BCKDHB: variants seen among roughly 807,000 people sequenced by gnomAD.
BCKDHB encodes the protein 2-oxoisovalerate dehydrogenase subunit beta, mitochondrial.
A neutral mutation model predicts 48.5 loss-of-function variants in BCKDHB; 41 were observed. The ratio of observed to expected loss-of-function variants is 0.85; its 90% CI spans 0.66 to 1.10. The LOEUF is 1.10. Among genes scored for constraint, BCKDHB ranks in the 50% least tolerant of loss-of-function variants. BCKDHB has a pLI of 0.00. For synonymous variants in BCKDHB, 201 were observed against 174.8 expected (o/e 1.15, Z -1.18); for missense variants, 496 against 494.2 (o/e 1.00, Z -0.03).
chr6:80,390,691 GTCTT>G, the BCKDHB span, among the ~76,000 whole-genome samples: 2 of 152,202 alleles, frequency 1.3e-5, no homozygotes, highest in South Asian at 2.1e-4. Flanking sequence ...CCTTACTATT[GTCTT>G]TCTTTATTTG....
Position 80,197,567 on chromosome 6 carries a change from G to A in BCKDHB, c.743-3367G>A, listed in dbSNP as rs186771396. ...GGGCCAAGATGCCAACCCATTTCTT[G>A]TGGTCTGCCAGCCCTTAGAATTGTG... On this transcript the variant is annotated intron_variant, in intron 6 of 9. Coordinates refer to ENST00000320393, the MANE Select transcript of BCKDHB (RefSeq NM_183050.4). 1.3e-4 allele frequency among the ~76,000 whole-genome samples: 20 copies of A among 152,240 alleles called. No homozygotes were observed. In the East Asian group the frequency reaches 3.3e-3, roughly 25 times the overall value.
chr6:80,463,633 C>CTTG, the BCKDHB span, among the ~76,000 whole-genome samples: 3 of 151,632 alleles, frequency 2.0e-5, no homozygotes, highest in Admixed American at 2.0e-4. Context: ...TTTCTTAGCC[C>CTTG]TTGTTGTTTG....
At chr6:80,236,468 A>G (rs1003943707) in intron 8 of BCKDHB, among the ~76,000 whole-genome samples, 27 of 152,246 alleles carry the variant, frequency 1.8e-4, no homozygotes, top group Admixed American at 1.3e-4. Flanking sequence ...GGAAAAGTGA[A>G]AATTTTATCT....
chr6:80,346,503 G>A (rs560080698), downstream of BCKDHB, among the ~76,000 whole-genome samples: 4 of 152,134 alleles, frequency 2.6e-5, no homozygotes, highest in East Asian at 5.8e-4. Context: ...ACAAGGTGTC[G>A]TAATGAATGT....
chr6:80,453,726 C>T, the BCKDHB span, among the ~76,000 whole-genome samples: 1 of 152,070 alleles, frequency 6.6e-6, no homozygotes, highest in South Asian at 2.1e-4. Flanking sequence ...ATGGGGGAAT[C>T]CTGTGAACAC....
chr6:80,349,325 C>T (rs1770328583), downstream of BCKDHB, among the ~76,000 whole-genome samples: 1 of 152,132 alleles, frequency 6.6e-6, no homozygotes, highest in Non-Finnish European at 1.5e-5. Context: ...ATTACACAAA[C>T]ATTTAGTGAG....
At chr6:80,409,570 G>T in the BCKDHB span, among the ~76,000 whole-genome samples, 3 of 71,030 alleles carry the variant, frequency 4.2e-5, no homozygotes, top group Non-Finnish European at 8.1e-5. Context: ...CTCTTGTATT[G>T]GTTGCATATA....
chr6:80,439,294 G>A, the BCKDHB span, among the ~76,000 whole-genome samples: 2 of 152,044 alleles, frequency 1.3e-5, no homozygotes, highest in Non-Finnish European at 2.9e-5. Context: ...TGCCCCCAAT[G>A]TCATAGTAAT....
rs1028014884 is a variant in BCKDHB, at chr6:80,296,324, A to T, written c.1038+23103A>T. 2.6e-5 allele frequency among the ~76,000 whole-genome samples: 4 copies of T among 152,204 alleles called. No individual in the cohort carries two copies. In the South Asian group the frequency reaches 6.2e-4, roughly 24 times the overall value. On this transcript the variant is annotated intron_variant, in intron 9 of 9. Transcript: ENST00000320393. ...AGGAAAAAACCACAGTCAAAAACAC[A>T]ATTGACAAGGAAATTTGGTTACCTC...
intron 9 of BCKDHB, among the ~76,000 whole-genome samples, chr6:80,273,642 C>T (rs759202088): frequency 6.6e-6 from 1 of 151,916 alleles, no homozygotes; most frequent in Admixed American, 6.6e-5. Flanking sequence ...ACAGCATTCA[C>T]GTTCTAAAAA....
chr6:80,394,477 C>T, the BCKDHB span, among the ~76,000 whole-genome samples: 1 of 151,924 alleles, frequency 6.6e-6, no homozygotes, highest in Non-Finnish European at 1.5e-5. Context: ...CTTCTGCTCC[C>T]TGTGCTGTCT....
At chr6:80,242,020 T>C (rs1776410577) in intron 8 of BCKDHB, among the ~76,000 whole-genome samples, 1 of 152,208 alleles carries the variant, frequency 6.6e-6, no homozygotes, top group Admixed American at 6.5e-5. Flanking sequence ...TTTCACTCTT[T>C]TAATGTTGTC....
At chr6:80,325,101 T>C (rs1352030796) in intron 9 of BCKDHB, among the ~76,000 whole-genome samples, 1 of 152,186 alleles carries the variant, frequency 6.6e-6, no homozygotes, top group Non-Finnish European at 1.5e-5. Context: ...AGTACTGATA[T>C]TTTTCTGAGC....
intron 8 of BCKDHB, among the ~76,000 whole-genome samples, chr6:80,231,821 C>T (rs568474498): frequency 1.2e-4 from 18 of 152,218 alleles, no homozygotes; most frequent in African/African-American, 4.1e-4. Flanking sequence ...AAAAATTAGC[C>T]GGGCCTGGTG....
the BCKDHB span, among the ~76,000 whole-genome samples, chr6:80,452,277 G>C: frequency 8.7e-4 from 133 of 152,308 alleles, no homozygotes; most frequent in African/African-American, 3.1e-3. Context: ...AGGAGGCCCT[G>C]CAAATCACAT....
intron 8 of BCKDHB, among the ~76,000 whole-genome samples, chr6:80,218,600 GTATTT>G (rs1038342635): frequency 2.4e-4 from 37 of 152,062 alleles, no homozygotes; most frequent in Admixed American, 1.6e-3. Context: ...GATATTACCT[GTATTT>G]TATTTTTTCT....
intron 8 of BCKDHB, among the ~76,000 whole-genome samples, chr6:80,253,806 C>T (rs190427231): frequency 2.4e-4 from 36 of 151,748 alleles, no homozygotes; most frequent in African/African-American, 7.2e-4. Flanking sequence ...ATTTTTTAAC[C>T]ATAACTTGTT....
At chr6:80,122,771 T>C (rs1770099198) in intron 1 of BCKDHB, among the ~76,000 whole-genome samples, 1 of 152,136 alleles carries the variant, frequency 6.6e-6, no homozygotes, top group East Asian at 1.9e-4. Context: ...GCACATATTG[T>C]CTTGATAAAC....
At chr6:80,117,137 TC>T (rs1329554538) in intron 1 of BCKDHB, among the ~76,000 whole-genome samples, 2 of 152,224 alleles carry the variant, frequency 1.3e-5, no homozygotes, top group African/African-American at 4.8e-5. Flanking sequence ...TAGAAAAGTA[TC>T]TGGTAGAATA....
Sources: allele counts gnomAD v4.1 joint callset (sites outside exome capture counted in the v4.1 genomes callset), GRCh38; gene constraint gnomAD v4.1.1; transcripts MANE v1.5; gene names NCBI Gene and HGNC (gene_info 2026-07-23, HGNC 2026-07-21).